AQR: variants seen among roughly 807,000 people sequenced by gnomAD.
AQR encodes aquarius intron-binding spliceosomal factor, also known as RNA helicase aquarius.
A neutral mutation model predicts 180.5 loss-of-function variants in AQR; 61 were observed. The observed-to-expected ratio is 0.34, with a 90% CI of 0.28 to 0.42. AQR has a LOEUF of 0.42. AQR is among the 10% of genes least tolerant of loss of function. AQR has a pLI of 1.00. For synonymous variants in AQR, 551 were observed against 588.8 expected, an observed-to-expected ratio of 0.94 and a Z score of 0.93; for missense variants, 1,281 against 1,798.3, an observed-to-expected ratio of 0.71 and a Z score of 5.20.
intron 14 of AQR, 35 bp downstream of exon 14, chr15:34,920,297 A>G (rs1475818341): frequency 1.3e-6 from 2 of 1,500,816 alleles, no homozygotes. Context: ...GGCAAGGAAA[A>G]CCACATGCAA....
intron 23 of AQR, 128 bp downstream of exon 23, chr15:34,893,535 G>A (rs971399105): frequency 5.8e-6 from 4 of 689,356 alleles, no homozygotes; most frequent in East Asian, 2.8e-5. Flanking sequence ...TTCTTGAAGA[G>A]GAACTTATTG....
At chr15:34,934,749 A>T (rs903852152) in intron 9 of AQR, 114 bp from the exon 10 acceptor site, 5 of 595,798 alleles carry the variant, frequency 8.4e-6, no homozygotes, top group African/African-American at 1.9e-5. Context: ...TCTTTTATTC[A>T]TCAGAATTGG....
At chr15:34,926,151 G>A (rs931700911) in intron 13 of AQR, among the ~76,000 whole-genome samples, 19 of 151,578 alleles carry the variant, frequency 1.3e-4, no homozygotes, top group East Asian at 3.9e-4. Flanking sequence ...GCGAGACTCC[G>A]TCTCAAAAAA....
At chr15:34,871,093 T>A (rs1280709577) in intron 30 of AQR, among the ~76,000 whole-genome samples, 171 bp from the exon 31 acceptor site, 4 of 152,228 alleles carry the variant, frequency 2.6e-5, no homozygotes, top group African/African-American at 9.6e-5. Context: ...GATAATTTTA[T>A]GCTACATTAA....
chr15:34,887,082 G>A (rs1369625715), intron 24 of AQR, among the ~76,000 whole-genome samples: 3 of 151,058 alleles, frequency 2.0e-5, no homozygotes, highest in Non-Finnish European at 2.9e-5. Context: ...CAGAGATGGC[G>A]CCACTGCACT....
intron 14 of AQR, among the ~76,000 whole-genome samples, chr15:34,919,100 G>T (rs377142739): frequency 6.6e-6 from 1 of 151,918 alleles, no homozygotes; most frequent in African/African-American, 2.4e-5. Flanking sequence ...TTAGCTGGGC[G>T]TGGTGGTGCA....
chr15:34,875,874 G>A, intron 28 of AQR, 61 bp downstream of exon 28: 1 of 1,320,710 alleles, frequency 7.6e-7, no homozygotes, highest in Non-Finnish European at 1.1e-6. Context: ...ACAACTTTCT[G>A]ATGCTGTCCT....
At chr15:34,939,596 A>G (rs535295403) in intron 8 of AQR, among the ~76,000 whole-genome samples, 8 of 152,252 alleles carry the variant, frequency 5.3e-5, no homozygotes, top group Non-Finnish European at 1.2e-4. Flanking sequence ...CTACTTTAAG[A>G]TATATCCATT....
chr15:34,956,943 T>G (rs948117750), intron 3 of AQR, among the ~76,000 whole-genome samples: 4 of 149,154 alleles, frequency 2.7e-5, no homozygotes, highest in Non-Finnish European at 4.5e-5. Flanking sequence ...ATTTTTCAAA[T>G]ATTTTTAAAA....
chr15:34,886,603 G>C lies in AQR; in HGVS notation c.2740C>G (p.Arg914Gly). The part of the protein sequence containing the change: ...RRIELLEEVK[R>G]LQKSLGVPGD... The stretch of plus-strand genomic sequence containing the variant: ...GGAACCCCTAGACTCTTTTGCAATC[G>C]TTTGACTTCTTCTAAAAGTTCTATT... Residue 914 changes from arginine to glycine, a missense_variant, in exon 25 of 35, where the codon CGA (arginine) becomes GGA (glycine). This residue lies in a region of AQR where 125 missense variants were observed against 185.0 expected (regional missense o/e 0.68). Coordinates refer to ENST00000156471, the MANE Select transcript of AQR (RefSeq NM_014691.3). The C allele has an allele frequency of 6.2e-7, 1 of 1,613,826 alleles. No homozygotes were observed. Among genetic ancestry groups the C allele is most frequent in the Non-Finnish European group, 8.5e-7 (1 of 1,179,936 alleles).
chr15:34,957,767 GA>G (rs1248024285), intron 3 of AQR, among the ~76,000 whole-genome samples: 1 of 142,890 alleles, frequency 7.0e-6, no homozygotes, highest in Admixed American at 6.9e-5. Flanking sequence ...ACATAAACAT[GA>G]AAAAACATAA....
intron 24 of AQR, among the ~76,000 whole-genome samples, chr15:34,888,514 G>A (rs1326888290): frequency 6.6e-6 from 1 of 151,868 alleles, no homozygotes; most frequent in Non-Finnish European, 1.5e-5. Context: ...GGGCAACATG[G>A]TGAAACCCCG....
intron 1 of AQR, chr15:34,964,556 A>C (rs1452725082): frequency 1.9e-6 from 1 of 520,916 alleles, no homozygotes; most frequent in African/African-American, 1.9e-5. Flanking sequence ...TAGAGAAACA[A>C]TACAGCTCAG....
chr15:34,927,144 AAAT>A lies in AQR; in HGVS notation c.1015-9_1015-7del. 2 of 1,514,338 alleles carry A rather than the reference AAAT, an allele frequency of 1.3e-6. No individual in the cohort carries two copies. The highest frequency in any genetic ancestry group is 1.8e-6 in the Non-Finnish European group (2 of 1,115,704). The allele number at this position is 1,514,338 out of a possible 1,614,324, so 93.8% of individuals were successfully genotyped here. ...AAATGTGCAAAAGCAGCTCTCTAGA[AAAT>A]AATGGCAAAAAATATTAATAATTAA... On this transcript the variant is annotated splice_polypyrimidine_tract_variant and splice_region_variant and intron_variant, in intron 12 of 34. Transcript: ENST00000156471.
chr15:34,916,882 CAAAAA>C (rs71119988), intron 15 of AQR, among the ~76,000 whole-genome samples: 2 of 79,230 alleles, frequency 2.5e-5, no homozygotes, highest in African/African-American at 5.1e-5. Context: ...TTCAGCAGAA[CAAAAA>C]AAAAAAAAAA....
Position 34,890,275 on chromosome 15 carries a change from C to G in AQR, c.2621G>C (p.Arg874Pro). 6.2e-7 allele frequency: 1 copy of G among 1,613,466 alleles called. No homozygotes were observed. The highest frequency in any genetic ancestry group is 8.5e-7 in the Non-Finnish European group (1 of 1,179,758). The change falls in exon 24 of 35, where the codon CGC (arginine) becomes CCC (proline). Residue 874 changes from arginine to proline, a missense_variant. Physicochemically the swap from Arg to Pro is moderately radical, Grantham distance 103. Around this residue, in one of 9 missense-constraint regions of AQR, gnomAD observed 31 missense variants for 95.5 expected, o/e 0.32. Transcript: ENST00000156471. Reference protein sequence around the residue: ...EKIMALDIDERHLLRLGHGEE... With the variant: ...EKIMALDIDEPHLLRLGHGEE... Reference sequence around the variant, plus strand: ...TCCATGACCAAGACGCAGTAGGTGGCGCTCATCAATGTCTAATGCCATGAT... The same window carrying G: ...TCCATGACCAAGACGCAGTAGGTGGGGCTCATCAATGTCTAATGCCATGAT...
At chr15:34,907,624 T>C (rs1459698736) in intron 17 of AQR, among the ~76,000 whole-genome samples, 2 of 152,218 alleles carry the variant, frequency 1.3e-5, no homozygotes, top group Admixed American at 1.3e-4. Context: ...GGTTAGAGTA[T>C]GGGTAAAGGT....
chr15:34,932,579 AGGTCCC>A (rs1893882345), intron 10 of AQR, 145 bp from the exon 11 acceptor site: 1 of 549,966 alleles, frequency 1.8e-6, no homozygotes, highest in Admixed American at 3.5e-5. Context: ...ACAATGCAAG[AGGTCCC>A]GTTCATGCTG....
chr15:34,928,218 A>G (rs895384471), intron 12 of AQR, among the ~76,000 whole-genome samples: 4 of 151,814 alleles, frequency 2.6e-5, no homozygotes, highest in East Asian at 1.9e-4. Flanking sequence ...TTTTTACACC[A>G]TTATTTATTT....
Sources: gnomAD v4.1 joint callset for allele counts (sites outside exome capture counted in the v4.1 genomes callset) on GRCh38, gnomAD v4.1.1 for gene constraint, gnomAD v4.1.1 regional missense constraint, MANE v1.5 for transcripts, NCBI Gene and HGNC (gene_info 2026-07-23, HGNC 2026-07-21) for gene names.